CCDC171: variants seen among roughly 807,000 people sequenced by gnomAD.
CCDC171 encodes the protein coiled-coil domain containing 171.
A neutral mutation model predicts 168.2 loss-of-function variants in CCDC171; 177 were observed. The ratio of observed to expected loss-of-function variants is 1.05; its 90% confidence interval spans 0.93 to 1.19. The LOEUF is 1.19. CCDC171 is among the 50% of genes most tolerant of loss of function. The probability of loss-of-function intolerance (pLI) is 0.00; values close to 1 mark genes in which losing one functional copy is unlikely to be tolerated. For missense variants in CCDC171, 1,991 were observed against 1,539.0 expected, an observed-to-expected ratio of 1.29 and a Z score of -4.91; for synonymous variants, 687 against 540.8, an observed-to-expected ratio of 1.27 and a Z score of -3.75.
At chr9:16,054,672 A>G (rs1222769489) in intron 1 of CCDC171, among the ~76,000 whole-genome samples, 2 of 152,228 alleles carry the variant, frequency 1.3e-5, no homozygotes, top group East Asian at 1.9e-4. Flanking sequence ...TTTAATGTAA[A>G]AAGCCATTTA....
intron 25 of CCDC171, among the ~76,000 whole-genome samples, chr9:15,959,448 A>T (rs185591231): frequency 1.3e-5 from 2 of 152,340 alleles, no homozygotes; most frequent in African/African-American, 4.8e-5. Flanking sequence ...TAAAGAAGAG[A>T]TGAAGTAGGA....
intron 7 of CCDC171, among the ~76,000 whole-genome samples, chr9:15,636,048 A>G (rs2046177239): frequency 6.6e-6 from 1 of 152,104 alleles, no homozygotes; most frequent in Admixed American, 6.6e-5. Flanking sequence ...GATGATGTTG[A>G]ATATCATTTT....
At chr9:15,736,768 T>C (rs1487084997) in intron 16 of CCDC171, among the ~76,000 whole-genome samples, 1 of 151,986 alleles carries the variant, frequency 6.6e-6, no homozygotes, top group East Asian at 1.9e-4. Context: ...CTTGACCTCC[T>C]GGGCTCAGGT....
intron 21 of CCDC171, among the ~76,000 whole-genome samples, chr9:15,795,494 A>G (rs1269674665): frequency 3.3e-5 from 5 of 152,228 alleles, no homozygotes; most frequent in Admixed American, 2.0e-4. Context: ...AGAGCAAAAT[A>G]ATCAGGTTCA....
chr9:15,699,123 G>T (rs1019361054), intron 11 of CCDC171, among the ~76,000 whole-genome samples: 2 of 152,114 alleles, frequency 1.3e-5, no homozygotes, highest in South Asian at 4.1e-4. Flanking sequence ...TCCAGAGTTT[G>T]TTCCTTCTGG....
chr9:15,839,161 C>T (rs561298017), intron 21 of CCDC171, among the ~76,000 whole-genome samples: 1 of 152,120 alleles, frequency 6.6e-6, no homozygotes, highest in Non-Finnish European at 1.5e-5. Flanking sequence ...TACTTTCACA[C>T]AAGGGATCTT....
intron 21 of CCDC171, among the ~76,000 whole-genome samples, chr9:15,816,181 A>G (rs1265952989): frequency 8.5e-6 from 1 of 117,978 alleles, no homozygotes; most frequent in Non-Finnish European, 1.9e-5. Flanking sequence ...TTTGTCCTCA[A>G]TGAGTCATAA....
At chr9:16,065,622 GACC>G (rs974081162), downstream of CCDC171, among the ~76,000 whole-genome samples, 4 of 152,174 alleles carry the variant, frequency 2.6e-5, no homozygotes, top group African/African-American at 9.7e-5. Context: ...CAGAGGATTA[GACC>G]AGGTATTTGT....
chr9:16,084,728 T>A, the CCDC171 span, among the ~76,000 whole-genome samples: 1 of 152,148 alleles, frequency 6.6e-6, no homozygotes, highest in African/African-American at 2.4e-5. Context: ...ATTCACATAG[T>A]CACAGAAGAT....
chr9:15,971,633 C>A lies in CCDC171; in HGVS notation c.3778C>A (p.Leu1260Ile), dbSNP rs2132815054. 1 of 1,613,116 alleles carries A rather than the reference C, an allele frequency of 6.2e-7. No homozygotes were observed. Among genetic ancestry groups the A allele is most frequent in the Non-Finnish European group, 8.5e-7 (1 of 1,179,518 alleles). The change falls in exon 26 of 26, where the codon CTC becomes ATC. Residue 1260 changes from leucine to isoleucine, a missense_variant. By Grantham distance (5) the Leu-to-Ile change is conservative (BLOSUM62 2). Transcript: ENST00000380701. ...GATAGGATCACGAGACCATTCAAAT[C>A]TCTCCATTCCTTCAAGAGCTCCTCT... Reference protein sequence around the residue: ...QSIGSRDHSNLSIPSRAPLPA... With the variant: ...QSIGSRDHSNISIPSRAPLPA...
intron 21 of CCDC171, among the ~76,000 whole-genome samples, chr9:15,821,874 A>C (rs2059786269): frequency 1.9e-5 from 1 of 51,472 alleles, no homozygotes; most frequent in South Asian, 5.6e-4. Context: ...CCGCATCGCC[A>C]AGTCAATCCT....
chr9:15,599,351 C>G (rs1418997489), intron 6 of CCDC171, among the ~76,000 whole-genome samples: 2 of 152,066 alleles, frequency 1.3e-5, no homozygotes, highest in Non-Finnish European at 2.9e-5. Flanking sequence ...CTGGTGGTGA[C>G]CAAATCTCTC....
chr9:16,053,295 C>G (rs74336433), intron 1 of CCDC171, among the ~76,000 whole-genome samples: 1 of 152,238 alleles, frequency 6.6e-6, no homozygotes, highest in Non-Finnish European at 1.5e-5. Context: ...TCTTGGGCAG[C>G]GCCCAGCACT....
At chr9:15,604,203 G>A (rs2043063725) in intron 6 of CCDC171, among the ~76,000 whole-genome samples, 1 of 151,852 alleles carries the variant, frequency 6.6e-6, no homozygotes, top group South Asian at 2.1e-4. Context: ...TAGGTTGCCT[G>A]TTTGCTCTGA....
chr9:15,742,553 T>C (rs2134593818), intron 16 of CCDC171, among the ~76,000 whole-genome samples: 1 of 152,364 alleles, frequency 6.6e-6, no homozygotes, highest in South Asian at 2.1e-4. Context: ...GCAAGCAGTC[T>C]GCGTAGCTAC....
At chr9:15,903,661 A>G (rs1462801001) in intron 24 of CCDC171, among the ~76,000 whole-genome samples, 1 of 152,224 alleles carries the variant, frequency 6.6e-6, no homozygotes, top group African/African-American at 2.4e-5. Context: ...CCAGCAACGG[A>G]AGAAAGCTGG....
At chr9:15,794,825 C>T (rs992617688) in intron 21 of CCDC171, among the ~76,000 whole-genome samples, 1 of 152,114 alleles carries the variant, frequency 6.6e-6, no homozygotes, top group South Asian at 2.1e-4. Context: ...CCAATGTAGT[C>T]GTGATGATTT....
chr9:15,646,135 T>C (rs2047016315), intron 7 of CCDC171, among the ~76,000 whole-genome samples: 2 of 152,184 alleles, frequency 1.3e-5, no homozygotes, highest in African/African-American at 2.4e-5. Context: ...GAATTTCTTA[T>C]CCAGCCAAAC....
At chr9:15,681,405 G>C (rs1274422734) in intron 10 of CCDC171, among the ~76,000 whole-genome samples, 1 of 151,898 alleles carries the variant, frequency 6.6e-6, no homozygotes, top group East Asian at 1.9e-4. Context: ...TAAACTCATA[G>C]CTTTGCGTCT....
Sources: allele counts gnomAD v4.1 joint callset (sites outside exome capture counted in the v4.1 genomes callset), GRCh38; gene constraint gnomAD v4.1.1; transcripts MANE v1.5; gene names NCBI Gene and HGNC (gene_info 2026-07-23, HGNC 2026-07-21).